Variants in COG3 observed in about 807,000 individuals in gnomAD.
COG3 encodes conserved oligomeric Golgi complex subunit 3.
COG3 carries 32 observed loss-of-function variants against 114.1 expected under a neutral mutation model. That is an observed-to-expected ratio of 0.28 (90% CI 0.21 to 0.38). The LOEUF is 0.38. Ranked by LOEUF, COG3 falls within the 10% of genes least tolerant of loss-of-function variation. COG3 has a pLI of 1.00. For missense variants in COG3, 813 were observed against 973.2 expected (o/e 0.84, Z 2.19); for synonymous variants, 352 against 365.7 (o/e 0.96, Z 0.43).
rs1873494693 is a variant in COG3 at position 45,535,550 on chromosome 13, G to T, written c.*819G>T. ...GAGAGAAGGAAACCTGAGGAGTAGT[G>T]TTCCTCCTGAATGAAGGTTCAGGTC... On this transcript the variant is annotated 3_prime_UTR_variant, in exon 23 of 23. Transcript: ENST00000349995. 2.0e-6 allele frequency: 2 copies of T among 985,520 alleles called. No individual in the cohort carries two copies. Among genetic ancestry groups the T allele is most frequent in the Non-Finnish European group, 2.4e-6 (2 of 830,004 alleles). 61.0% of individuals were successfully genotyped at this position (985,520 alleles called of 1,614,324 possible).
intron 19 of COG3, among the ~76,000 whole-genome samples, chr13:45,522,093 C>T (rs1872222343): frequency 6.6e-6 from 1 of 152,222 alleles, no homozygotes; most frequent in Non-Finnish European, 1.5e-5. Flanking sequence ...GCAGGAGCCA[C>T]TGTGCCTGGC....
intron 1 of COG3, among the ~76,000 whole-genome samples, chr13:45,470,379 ATACACT>A (rs1885400563): frequency 6.6e-6 from 1 of 152,236 alleles, no homozygotes; most frequent in Non-Finnish European, 1.5e-5. Flanking sequence ...ATTCAAATAA[ATACACT>A]TAAAAGGACA....
intron 22 of COG3, 115 bp downstream of exon 22, chr13:45,530,895 T>G: frequency 7.4e-7 from 1 of 1,348,112 alleles, no homozygotes; most frequent in Non-Finnish European, 9.6e-7. Context: ...AATATTACCT[T>G]CTTTTATTCT....
chr13:45,491,976 A>G (rs191435202), intron 10 of COG3, among the ~76,000 whole-genome samples, 183 bp from the exon 11 acceptor site: 3 of 152,340 alleles, frequency 2.0e-5, no homozygotes, highest in East Asian at 3.8e-4. Flanking sequence ...TTAAGAAACT[A>G]AAAGTCACCT....
chr13:45,499,774 C>T (rs1001157988), intron 13 of COG3, among the ~76,000 whole-genome samples: 1 of 152,134 alleles, frequency 6.6e-6, no homozygotes, highest in Non-Finnish European at 1.5e-5. Context: ...GTAATACTAG[C>T]ACTGTGGGAG....
chr13:45,530,090 T>G (rs1438296113), intron 21 of COG3, among the ~76,000 whole-genome samples, 172 bp downstream of exon 21: 1 of 152,220 alleles, frequency 6.6e-6, no homozygotes, highest in African/African-American at 2.4e-5. Context: ...TCTGTCTTGA[T>G]TATCTTTTTT....
intron 8 of COG3, among the ~76,000 whole-genome samples, chr13:45,487,962 T>TA (rs1194119055): frequency 6.6e-6 from 1 of 152,134 alleles, no homozygotes; most frequent in Non-Finnish European, 1.5e-5. Flanking sequence ...ATAGTAAAGA[T>TA]ATGGAATCAA....
At chr13:45,503,989 A>T (rs894454436) in intron 14 of COG3, among the ~76,000 whole-genome samples, 1 of 152,144 alleles carries the variant, frequency 6.6e-6, no homozygotes, top group African/African-American at 2.4e-5. Context: ...TACATGTTAT[A>T]CAAGGAGCAA....
chr13:45,482,853 A>G (rs1886337194), intron 6 of COG3, among the ~76,000 whole-genome samples: 1 of 152,238 alleles, frequency 6.6e-6, no homozygotes, highest in Admixed American at 6.5e-5. Flanking sequence ...GGGGAAATAA[A>G]GGGACAAGCC....
At chr13:45,492,108 A>G (rs1887056484) in intron 10 of COG3, 51 bp from the exon 11 acceptor site, 1 of 1,087,008 alleles carries the variant, frequency 9.2e-7, no homozygotes, top group South Asian at 1.4e-5. Context: ...CATAAACATC[A>G]GAAATGTTGT....
At chr13:45,534,444 C>G (rs1873417097) in intron 22 of COG3, 1 of 348,454 alleles carries the variant, frequency 2.9e-6, no homozygotes, top group Non-Finnish European at 5.1e-6. Flanking sequence ...GTTTACTGGT[C>G]TCATAAAAAT....
Position 45,512,185 on chromosome 13 carries a change from C to T in COG3, c.1809+331C>T, listed in dbSNP as rs185950269. ...AGAAAGCATTTTCAAGGAAACATCACAATTTATAATCATCTCTCTCTACGA... is the reference window on the plus strand; with the variant it reads ...AGAAAGCATTTTCAAGGAAACATCATAATTTATAATCATCTCTCTCTACGA... On this transcript the variant is annotated intron_variant, in intron 16 of 22. Coordinates refer to ENST00000349995, the MANE Select transcript of COG3 (RefSeq NM_031431.4). Among the ~76,000 whole-genome samples the T allele has an allele frequency of 5.1e-4, 77 of 152,304 alleles. 2 individuals are homozygous for T. Among genetic ancestry groups the T allele is most frequent in the African/African-American group, 1.8e-3 (73 of 41,564 alleles).
At chr13:45,487,501 G>A (rs1305470528) in intron 8 of COG3, among the ~76,000 whole-genome samples, 1 of 152,088 alleles carries the variant, frequency 6.6e-6, no homozygotes, top group African/African-American at 2.4e-5. Context: ...ATCTGACAAG[G>A]GACTAATATT....
chr13:45,498,713 A>G (rs539586498), intron 13 of COG3, among the ~76,000 whole-genome samples: 1 of 148,066 alleles, frequency 6.8e-6, no homozygotes, highest in Admixed American at 6.7e-5. Flanking sequence ...CTGTGCTAGC[A>G]CCAGACTGTC....
intron 19 of COG3, among the ~76,000 whole-genome samples, chr13:45,519,365 T>C (rs1051770768): frequency 6.6e-6 from 1 of 152,218 alleles, no homozygotes; most frequent in East Asian, 1.9e-4. Flanking sequence ...GTTCTGTTTA[T>C]CCGCCTTGTA....
At chr13:45,472,639 T>C (rs1329550674) in intron 1 of COG3, among the ~76,000 whole-genome samples, 1 of 152,224 alleles carries the variant, frequency 6.6e-6, no homozygotes, top group Non-Finnish European at 1.5e-5. Flanking sequence ...GATGAGCCCA[T>C]TGCAGGTATT....
intron 2 of COG3, among the ~76,000 whole-genome samples, chr13:45,477,784 G>A (rs1240205144): frequency 1.3e-5 from 2 of 151,720 alleles, no homozygotes; most frequent in Non-Finnish European, 2.9e-5. Context: ...CCACCACCAC[G>A]CCAGGCTAAT....
At chr13:45,511,719 GTT>G in intron 15 of COG3, 44 bp from the exon 16 acceptor site, 1 of 1,429,972 alleles carries the variant, frequency 7.0e-7, no homozygotes, top group Non-Finnish European at 9.8e-7. Context: ...CTTTTTTTTT[GTT>G]TTGTCAAATG....
In COG3 at chr13:45,473,114, C is replaced by T. The variant is rs557372530; in HGVS notation, c.175-3087C>T. 1.2e-3 allele frequency among the ~76,000 whole-genome samples: 183 copies of T among 152,296 alleles called. 1 individual carries two copies. Among genetic ancestry groups the T allele is most frequent in the African/African-American group, 4.3e-3 (179 of 41,560 alleles). ...TTGATCTCCTGACCTCGTGATCCTC[C>T]CACCTCAGCCTCCCAAAGTGCTGGG... On this transcript the variant is annotated intron_variant, in intron 1 of 22. Coordinates refer to ENST00000349995, the MANE Select transcript of COG3 (RefSeq NM_031431.4).
Sources: allele counts gnomAD v4.1 joint callset (sites outside exome capture counted in the v4.1 genomes callset), GRCh38; gene constraint gnomAD v4.1.1; transcripts MANE v1.5; gene names NCBI Gene and HGNC (gene_info 2026-07-23, HGNC 2026-07-21).